The following DCLRE1C variants were observed in gnomAD, a reference collection of about 807,000 sequenced individuals.
The protein encoded by DCLRE1C is DNA cross-link repair 1C.
A neutral mutation model predicts 61.4 loss-of-function variants in DCLRE1C; 47 were observed. That is an observed-to-expected ratio of 0.77 (90% CI 0.61 to 0.98). The LOEUF (loss-of-function observed/expected upper bound fraction) is 0.98, where lower values mean the gene tolerates loss of function less well. Ranked by LOEUF, DCLRE1C falls within the 50% of genes least tolerant of loss-of-function variation. The pLI is 0.00. For missense variants in DCLRE1C, 858 were observed against 816.0 expected (o/e 1.05, Z -0.63); for synonymous variants, 337 against 287.6 (o/e 1.17, Z -1.74).
chr10:14,926,416 A>C (rs1172795915), intron 11 of DCLRE1C, among the ~76,000 whole-genome samples: 1 of 152,196 alleles, frequency 6.6e-6, no homozygotes, highest in African/African-American at 2.4e-5. Flanking sequence ...GCACTTTGGG[A>C]GGCCAAGGCA....
intron 12 of DCLRE1C, 56 bp from the exon 13 acceptor site, chr10:14,919,888 A>G (rs1836816540): frequency 7.3e-7 from 1 of 1,377,808 alleles, no homozygotes; most frequent in African/African-American, 1.4e-5. Flanking sequence ...TAGAAGGTAG[A>G]CATCATTGAT....
At chr10:14,940,060 G>A (rs1047107889) in intron 3 of DCLRE1C, among the ~76,000 whole-genome samples, 191 bp from the exon 4 acceptor site, 1 of 152,176 alleles carries the variant, frequency 6.6e-6, no homozygotes, top group African/African-American at 2.4e-5. Context: ...TCTTGAGGCA[G>A]ATTTGGTAAT....
chr10:14,928,542 G>C (rs964438039), intron 9 of DCLRE1C, among the ~76,000 whole-genome samples: 1 of 152,204 alleles, frequency 6.6e-6, no homozygotes, highest in Non-Finnish European at 1.5e-5. Flanking sequence ...AACACGGACT[G>C]TGTAACAGCT....
chr10:14,924,170 G>A (rs963884356), intron 11 of DCLRE1C, among the ~76,000 whole-genome samples: 8 of 152,222 alleles, frequency 5.3e-5, no homozygotes, highest in African/African-American at 9.6e-5. Flanking sequence ...TCACGCTAAC[G>A]GGAGTGCTTG....
chr10:14,937,394 T>C (rs938359157), intron 4 of DCLRE1C, among the ~76,000 whole-genome samples: 9 of 150,874 alleles, frequency 6.0e-5, no homozygotes, highest in African/African-American at 1.9e-4. Context: ...CAAGTAATTC[T>C]CCTGCCTCAG....
At position 14,949,049 on chromosome 10, in the gene DCLRE1C, T is replaced by C; in HGVS notation, c.148A>G (p.Arg50Gly). The C allele has an allele frequency of 6.2e-7, 1 of 1,611,270 alleles. No homozygotes were observed. The highest frequency in any genetic ancestry group is 8.5e-7 in the Non-Finnish European group (1 of 1,177,604). The part of the protein sequence containing the change: ...KGLRAPTLKR[R>G]LECSLKVYLY... ...AAAATAAATTACCTGCACTCCAACC[T>C]TCTTTTCAAGGTAGGGGCTCTTAAT... The change falls in exon 2 of 14, where the codon AGG becomes GGG. Residue 50 changes from arginine to glycine, a missense_variant. By Grantham distance (125) the Arg-to-Gly change is moderately radical. Around this residue, in one of 2 missense-constraint regions of DCLRE1C, gnomAD observed 843 missense variants for 783.5 expected, o/e 1.08. Coordinates refer to ENST00000378278, the MANE Select transcript of DCLRE1C (RefSeq NM_001033855.3).
At chr10:14,901,306 G>A, downstream of DCLRE1C, 4 of 1,610,444 alleles carry the variant, frequency 2.5e-6, no homozygotes, top group Non-Finnish European at 3.4e-6. Flanking sequence ...GTTTCAATAT[G>A]AAGAATCAAA....
Position 14,918,894 on chromosome 10 carries a change from A to G in DCLRE1C, c.1156+844T>C, listed in dbSNP as rs938106910. On this transcript the variant is annotated intron_variant, in intron 13 of 13. Coordinates refer to ENST00000378278, the MANE Select transcript of DCLRE1C (RefSeq NM_001033855.3). ...TGAGACAGGCCTAGATTAGAATCCC[A>G]GGCCCATCACTTACTTCTTGCTAGT... 1.5e-4 allele frequency among the ~76,000 whole-genome samples: 23 copies of G among 152,192 alleles called. No homozygotes were observed. The South Asian group carries it at 2.7e-3, about 18-fold the overall frequency.
intron 1 of DCLRE1C, 31 bp downstream of exon 1, chr10:14,953,871 C>T: frequency 6.2e-7 from 1 of 1,612,914 alleles, no homozygotes. Context: ...CCCAGCGCCC[C>T]GGGAGCGGGC....
At chr10:14,952,366 C>T (rs896798482) in intron 1 of DCLRE1C, among the ~76,000 whole-genome samples, 2 of 152,134 alleles carry the variant, frequency 1.3e-5, no homozygotes, top group African/African-American at 4.8e-5. Context: ...GTGGGTGGAT[C>T]TACCTGAGGC....
chr10:14,923,197 C>T (rs555079563), intron 11 of DCLRE1C, 128 bp from the exon 12 acceptor site: 18 of 740,092 alleles, frequency 2.4e-5, no homozygotes, highest in Middle Eastern at 3.5e-4. Flanking sequence ...GCTGGCTGCA[C>T]GTGGGGATCA....
chr10:14,910,534 A>G (rs374371643), intron 13 of DCLRE1C, among the ~76,000 whole-genome samples: 6 of 152,116 alleles, frequency 3.9e-5, no homozygotes, highest in African/African-American at 1.2e-4. Flanking sequence ...CACTCAGGCA[A>G]TCCACCCCCT....
rs779125452 is a variant in DCLRE1C, at chr10:14,908,556, T to A, written c.1931A>T (p.Asp644Val). The A allele has an allele frequency of 6.2e-7, 1 of 1,614,148 alleles. No homozygotes were observed. The highest frequency in any genetic ancestry group is 1.7e-5 in the Admixed American group (1 of 60,018). ...KSLLNLSTNADSQSSSDFEVP... is the reference protein window; with the variant it reads ...KSLLNLSTNAVSQSSSDFEVP... ...TTCAAAATCAGAAGAGCTCTGGGAATCTGCATTTGTGCTAAGATTTAGCAA... is the reference window on the plus strand; with the variant it reads ...TTCAAAATCAGAAGAGCTCTGGGAAACTGCATTTGTGCTAAGATTTAGCAA... The change falls in exon 14 of 14, where the codon GAT (aspartate) becomes GTT (valine). Residue 644 changes from aspartate (D) to valine (V), a missense_variant. This residue lies in a region of DCLRE1C where 843 missense variants were observed against 783.5 expected (regional missense o/e 1.08). Transcript: ENST00000378278.
At chr10:14,940,067 T>C (rs41296990) in intron 3 of DCLRE1C, among the ~76,000 whole-genome samples, 198 bp from the exon 4 acceptor site, 2,636 of 152,266 alleles carry the variant, frequency 0.017, 84 homozygotes, top group African/African-American at 0.06. Context: ...GCAGATTTGG[T>C]AATACGGAGT....
At chr10:14,916,127 A>T (rs57535446) in intron 13 of DCLRE1C, among the ~76,000 whole-genome samples, 286 of 152,350 alleles carry the variant, frequency 1.9e-3, no homozygotes, top group African/African-American at 6.6e-3. Flanking sequence ...ACTTATCATT[A>T]TACTTAATGG....
intron 1 of DCLRE1C, among the ~76,000 whole-genome samples, chr10:14,951,847 G>A (rs982882260): frequency 7.9e-5 from 12 of 152,276 alleles, no homozygotes; most frequent in African/African-American, 2.9e-4. Flanking sequence ...CAGTCGCTTT[G>A]GGGGTTAGGG....
chr10:14,924,877 TA>T (rs897311898), intron 11 of DCLRE1C, among the ~76,000 whole-genome samples: 54 of 148,668 alleles, frequency 3.6e-4, no homozygotes, highest in African/African-American at 9.4e-4. Context: ...ATTAAAAAAT[TA>T]AAAAAAAAAT....
At position 14,940,570 on chromosome 10, in the gene DCLRE1C, G is replaced by A. The variant is rs556499969; in HGVS notation, c.247-701C>T. On this transcript the variant is annotated intron_variant, in intron 3 of 13. Transcript: ENST00000378278. ...TCCAAAGTGCTGGGATTACAGGCGTGAGCCACCACACCCAGCCTCATGCAC... is the reference window on the plus strand; with the variant it reads ...TCCAAAGTGCTGGGATTACAGGCGTAAGCCACCACACCCAGCCTCATGCAC... Among the ~76,000 whole-genome samples the A allele has an allele frequency of 3.1e-3, 469 of 152,160 alleles. 4 individuals are homozygous for A. The highest frequency in any genetic ancestry group is 0.027 in the Admixed American group (417 of 15,272).
intron 13 of DCLRE1C, 34 bp downstream of exon 13, chr10:14,919,704 C>G (rs1365564530): frequency 1.3e-6 from 2 of 1,526,896 alleles, no homozygotes; most frequent in Non-Finnish European, 1.8e-6. Flanking sequence ...TTGCAGGGAG[C>G]CCACCCCTCT....
Sources: allele counts gnomAD v4.1 joint callset (sites outside exome capture counted in the v4.1 genomes callset), GRCh38; gene constraint gnomAD v4.1.1; regional missense constraint gnomAD v4.1.1; transcripts MANE v1.5; gene names NCBI Gene and HGNC (gene_info 2026-07-23, HGNC 2026-07-21).